CCDC38: variants seen among roughly 807,000 people sequenced by gnomAD.
The protein encoded by CCDC38 is coiled-coil domain-containing protein 38.
A neutral mutation model predicts 72.8 loss-of-function variants in CCDC38; 69 were observed. That is an observed-to-expected ratio of 0.95 (90% CI 0.78 to 1.16). CCDC38 has a LOEUF of 1.16. Among genes scored for constraint, CCDC38 ranks in the 50% most tolerant of loss-of-function variants. The probability of loss-of-function intolerance (pLI) is 0.00; values close to 1 mark genes in which losing one functional copy is unlikely to be tolerated. For missense variants in CCDC38, 626 were observed against 638.9 expected (o/e 0.98, Z 0.22); for synonymous variants, 201 against 213.2 (o/e 0.94, Z 0.50).
intron 2 of CCDC38, among the ~76,000 whole-genome samples, chr12:95,923,790 G>C (rs1388818589): frequency 6.7e-6 from 1 of 149,800 alleles, no homozygotes; most frequent in Non-Finnish European, 1.5e-5. Flanking sequence ...AGAATATGTG[G>C]TGTTTGGTTT....
chr12:95,941,074 T>C (rs1411768406), intron 1 of CCDC38, among the ~76,000 whole-genome samples: 1 of 152,230 alleles, frequency 6.6e-6, no homozygotes, highest in Non-Finnish European at 1.5e-5. Context: ...AGAAATTCAC[T>C]CATCCTTTCT....
At chr12:95,905,024 TA>T (rs1188363161) in intron 5 of CCDC38, among the ~76,000 whole-genome samples, 1 of 152,236 alleles carries the variant, frequency 6.6e-6, no homozygotes, top group Non-Finnish European at 1.5e-5. Flanking sequence ...GTCGCTTATG[TA>T]AAATGGAATA....
At chr12:95,908,001 C>T (rs1013665471) in intron 4 of CCDC38, among the ~76,000 whole-genome samples, 4 of 147,062 alleles carry the variant, frequency 2.7e-5, no homozygotes, top group South Asian at 2.2e-4. Flanking sequence ...AGACGATGGG[C>T]GGCCAGGCAG....
At chr12:95,907,402 G>A (rs1168453534) in intron 4 of CCDC38, among the ~76,000 whole-genome samples, 4 of 139,414 alleles carry the variant, frequency 2.9e-5, no homozygotes, top group Non-Finnish European at 3.1e-5. Flanking sequence ...AGGGGCGGCC[G>A]GGCAGAGGCG....
At chr12:95,939,131 C>T (rs1036185752) in intron 1 of CCDC38, among the ~76,000 whole-genome samples, 36 of 152,218 alleles carry the variant, frequency 2.4e-4, no homozygotes, top group African/African-American at 7.5e-4. Flanking sequence ...TAAGTTACCA[C>T]GTCCAGCCTT....
Position 95,879,621 on chromosome 12 carries a change from T to C in CCDC38, c.1142+23A>G. 2 of 1,524,934 alleles carry C rather than the reference T, an allele frequency of 1.3e-6. No homozygotes were observed. Among genetic ancestry groups the C allele is most frequent in the Non-Finnish European group, 1.8e-6 (2 of 1,112,598 alleles). The allele number at this position is 1,524,934 out of a possible 1,614,324, so 94.5% of individuals were successfully genotyped here. ...GTTAGAAATTGCTTAATGGAATAAATCTACTTGTTTATAATGACTTACGTT... is the reference window on the plus strand; with the variant it reads ...GTTAGAAATTGCTTAATGGAATAAACCTACTTGTTTATAATGACTTACGTT... On this transcript the variant is annotated intron_variant, in intron 12 of 15. Coordinates refer to ENST00000344280, the MANE Select transcript of CCDC38 (RefSeq NM_182496.3). The surrounding 1 kb of genome is among the most constrained non-coding windows in gnomAD (Gnocchi z 5.5).
intron 8 of CCDC38, among the ~76,000 whole-genome samples, 192 bp downstream of exon 8, chr12:95,894,797 T>A (rs575277188): frequency 6.6e-6 from 1 of 152,312 alleles, no homozygotes; most frequent in East Asian, 1.9e-4. Context: ...TACAGCAACA[T>A]AAATAGGCAA....
intron 4 of CCDC38, among the ~76,000 whole-genome samples, chr12:95,913,335 C>T (rs1228222768): frequency 1.3e-5 from 2 of 152,150 alleles, no homozygotes; most frequent in African/African-American, 4.8e-5. Flanking sequence ...ATTCTCTTTC[C>T]CCACTAAGTT....
chr12:95,921,092 C>T (rs1219919879), intron 2 of CCDC38, among the ~76,000 whole-genome samples: 2 of 150,762 alleles, frequency 1.3e-5, no homozygotes, highest in Non-Finnish European at 3.0e-5. Flanking sequence ...CATGCCATTG[C>T]ACTCCAGCCT....
At chr12:95,895,292 G>A in intron 7 of CCDC38, 146 bp from the exon 8 acceptor site, 1 of 530,552 alleles carries the variant, frequency 1.9e-6, no homozygotes, top group Non-Finnish European at 3.2e-6. Context: ...AAAAATATGG[G>A]CTTCAGTGAA....
intron 5 of CCDC38, among the ~76,000 whole-genome samples, chr12:95,902,274 A>T (rs1015059168): frequency 6.6e-6 from 1 of 152,184 alleles, no homozygotes; most frequent in Non-Finnish European, 1.5e-5. Flanking sequence ...AAGTTTTGAC[A>T]TATGTATATA....
intron 8 of CCDC38, among the ~76,000 whole-genome samples, chr12:95,893,442 C>A (rs924893010): frequency 1.0e-5 from 1 of 98,614 alleles, no homozygotes; most frequent in Non-Finnish European, 1.8e-5. Context: ...TCCCTCCCTC[C>A]CTTCCTTCCT....
At chr12:95,914,810 C>T (rs61939175) in intron 4 of CCDC38, among the ~76,000 whole-genome samples, 1 of 151,694 alleles carries the variant, frequency 6.6e-6, no homozygotes, top group Non-Finnish European at 1.5e-5. Flanking sequence ...TTTTTTTTCC[C>T]AAGCCATTCA....
In CCDC38 at chr12:95,872,342, A is replaced by G; in HGVS notation, c.1397T>C (p.Leu466Pro). 6.2e-7 allele frequency: 1 copy of G among 1,614,178 alleles called. No homozygotes were observed. Among genetic ancestry groups the G allele is most frequent in the Non-Finnish European group, 8.5e-7 (1 of 1,180,018 alleles). Residue 466 changes from leucine (L) to proline (P), a missense_variant, in exon 14 of 16, where the codon CTG (leucine) becomes CCG (proline). Physicochemically the swap from Leu to Pro is moderately conservative, Grantham distance 98. Transcript: ENST00000344280. ...IQKLVKVESR[L>P]VELCDLIESI... is the part of the protein sequence containing the mutation. The stretch of plus-strand genomic sequence containing the variant: ...TTCGATGAGGTCACACAGTTCTACC[A>G]GGCGAGATTCTACTTTTACCAGCTT...
rs2079790729 is a variant in CCDC38 at position 95,888,941 on chromosome 12, C to T, written c.872-435G>A. On this transcript the variant is annotated intron_variant, in intron 9 of 15. Transcript: ENST00000344280. ...AACATTTATGTCTCCAATAAATACA[C>T]GGTGAGTAAAGGAAAGAAGGGGAAA... 5.1e-5 allele frequency: 8 copies of T among 156,160 alleles called. 1 individual carries two copies. Among genetic ancestry groups the T allele is most frequent in the South Asian group, 1.7e-4 (2 of 11,770 alleles). 9.7% of individuals were successfully genotyped at this position (156,160 alleles called of 1,614,324 possible).
At chr12:95,873,958 A>G (rs1214296150) in intron 13 of CCDC38, among the ~76,000 whole-genome samples, 1 of 152,248 alleles carries the variant, frequency 6.6e-6, no homozygotes, top group Non-Finnish European at 1.5e-5. Context: ...TACATGAATG[A>G]CATGATCCTT....
upstream of CCDC38, chr12:95,942,679 C>T (rs2080466723): frequency 6.6e-6 from 1 of 152,498 alleles, no homozygotes; most frequent in Non-Finnish European, 1.5e-5. Flanking sequence ...CCTCCCCACC[C>T]CCAGGTTCCC....
chr12:95,875,422 G>A (rs2079624873), intron 13 of CCDC38, among the ~76,000 whole-genome samples: 1 of 88,838 alleles, frequency 1.1e-5, no homozygotes, highest in Admixed American at 9.6e-5. Context: ...ATTTTTAGGG[G>A]ATTAAGTATC....
intron 13 of CCDC38, among the ~76,000 whole-genome samples, chr12:95,875,239 G>A (rs1444865629): frequency 1.3e-5 from 2 of 152,192 alleles, no homozygotes; most frequent in African/African-American, 4.8e-5. Context: ...TGTGAGGGAG[G>A]TTTGCAGGGG....
Sources: allele counts gnomAD v4.1 joint callset (sites outside exome capture counted in the v4.1 genomes callset), GRCh38; gene constraint gnomAD v4.1.1; non-coding constraint Gnocchi (gnomAD v3.1); transcripts MANE v1.5; gene names NCBI Gene and HGNC (gene_info 2026-07-23, HGNC 2026-07-21).